The following PLBD2 variants were observed in gnomAD, a reference collection of about 807,000 sequenced individuals.
The protein encoded by PLBD2 is putative aminopeptidase PLBD2.
A neutral mutation model predicts 68.3 loss-of-function variants in PLBD2; 51 were observed. The observed-to-expected ratio is 0.75, with a 90% CI of 0.60 to 0.94. The LOEUF (loss-of-function observed/expected upper bound fraction) is 0.94, where lower values mean the gene tolerates loss of function less well. Ranked by LOEUF, PLBD2 falls within the 40% of genes least tolerant of loss-of-function variation. The pLI, the probability that PLBD2 is intolerant of heterozygous loss-of-function variation, is 0.00. For synonymous variants in PLBD2, 314 were observed against 339.3 expected, an observed-to-expected ratio of 0.93 and a Z score of 0.82; for missense variants, 729 against 792.2, an observed-to-expected ratio of 0.92 and a Z score of 0.96.
At chr12:113,387,980 T>C in intron 11 of PLBD2, 74 bp downstream of exon 11, 1 of 1,554,234 alleles carries the variant, frequency 6.4e-7, no homozygotes, top group Non-Finnish European at 8.8e-7. Context: ...AAGGGACAGG[T>C]TGGGGCAAAG....
At chr12:113,388,088 T>C (rs1020673411) in intron 11 of PLBD2, among the ~76,000 whole-genome samples, 182 bp downstream of exon 11, 1 of 152,102 alleles carries the variant, frequency 6.6e-6, no homozygotes, top group African/African-American at 2.4e-5. Context: ...ATGCCTGTAA[T>C]CCCAGCACTT....
intron 6 of PLBD2, among the ~76,000 whole-genome samples, chr12:113,383,124 C>T (rs377625797): frequency 1.6e-4 from 25 of 152,256 alleles, no homozygotes; most frequent in Middle Eastern, 3.4e-3. Context: ...AGGAGGCAAT[C>T]GGAGGCAGCG....
rs111462416 is a variant in PLBD2 at position 113,358,672 on chromosome 12, C to G, written c.72C>G (p.Ala24=). ...ARALTRALAL[A]LVLALLVGPF... ...CGCTGACGCGGGCGCTGGCGCTGGC[C>G]CTGGTGCTGGCCCTGCTGGTCGGGC... The change falls in exon 1 of 12, where the codon GCC becomes GCG. Residue 24 remains alanine (A), a synonymous_variant. Coordinates refer to ENST00000280800, the MANE Select transcript of PLBD2 (RefSeq NM_173542.4). 12 of 1,457,622 alleles carry G rather than the reference C, an allele frequency of 8.2e-6. No homozygotes were observed. The highest frequency in any genetic ancestry group is 1.4e-5 in the South Asian group (1 of 73,902). 90.3% of individuals were successfully genotyped at this position (1,457,622 alleles called of 1,614,324 possible). A position where few individuals can be genotyped will look rare whatever the true frequency, so the allele number is the denominator to read the frequency against.
At chr12:113,375,695 G>A (rs987940725) in intron 5 of PLBD2, among the ~76,000 whole-genome samples, 2 of 152,170 alleles carry the variant, frequency 1.3e-5, no homozygotes, top group African/African-American at 2.4e-5. Context: ...GAATGGGATG[G>A]CCTCTTCTCC....
At chr12:113,362,785 T>A (rs908385980) in intron 1 of PLBD2, among the ~76,000 whole-genome samples, 1 of 145,542 alleles carries the variant, frequency 6.9e-6, no homozygotes, top group African/African-American at 2.6e-5. Context: ...AATCTTCTTT[T>A]GATTTATTTT....
Position 113,358,653 on chromosome 12 carries a change from C to A in PLBD2, c.53C>A (p.Thr18Lys). The A allele has an allele frequency of 6.8e-7, 1 of 1,462,412 alleles. No individual in the cohort carries two copies. 90.6% of individuals were successfully genotyped at this position (1,462,412 alleles called of 1,614,324 possible). A position where few individuals can be genotyped will look rare whatever the true frequency, so the allele number is the denominator to read the frequency against. ...YPGSHLARAL[T>K]RALALALVLA... The stretch of plus-strand genomic sequence containing the variant: ...GGCAGCCACCTGGCCCGGGCGCTGA[C>A]GCGGGCGCTGGCGCTGGCCCTGGTG... The change falls in exon 1 of 12, where the codon ACG becomes AAG. Residue 18 changes from threonine to lysine, a missense_variant. Coordinates refer to ENST00000280800, the MANE Select transcript of PLBD2 (RefSeq NM_173542.4).
At position 113,384,087 on chromosome 12, in the gene PLBD2, C is replaced by A. The variant is rs773743018; in HGVS notation, c.958-18C>A. Reference sequence around the variant, plus strand: ...AGCATGCCTAGGCTGTGCAGCAGCCCCCTTGACCTTCCCACAGGTGACACT... The same window carrying A: ...AGCATGCCTAGGCTGTGCAGCAGCCACCTTGACCTTCCCACAGGTGACACT... On this transcript the variant is annotated intron_variant, in intron 6 of 11. Transcript: ENST00000280800. This position sits in a 1 kb window ranked among gnomAD's most constrained non-coding sequence, Gnocchi z 4.2. 3 of 1,592,184 alleles carry A rather than the reference C, an allele frequency of 1.9e-6. No individual in the cohort carries two copies. The highest frequency in any genetic ancestry group is 2.6e-6 in the Non-Finnish European group (3 of 1,165,628).
At chr12:113,370,452 T>C (rs1302179958) in intron 2 of PLBD2, among the ~76,000 whole-genome samples, 1 of 151,072 alleles carries the variant, frequency 6.6e-6, no homozygotes, top group Admixed American at 6.6e-5. Context: ...TAGTACCTAG[T>C]GTAATTTTCT....
chr12:113,384,100 C>T lies in PLBD2; in HGVS notation c.958-5C>T. 1 of 1,602,804 alleles carries T rather than the reference C, an allele frequency of 6.2e-7. No individual in the cohort carries two copies. Among genetic ancestry groups the T allele is most frequent in the African/African-American group, 1.3e-5 (1 of 74,856 alleles). On this transcript the variant is annotated splice_polypyrimidine_tract_variant and splice_region_variant and intron_variant, in intron 6 of 11. Coordinates refer to ENST00000280800, the MANE Select transcript of PLBD2 (RefSeq NM_173542.4). The surrounding 1 kb of genome is among the most constrained non-coding windows in gnomAD (Gnocchi z 4.2). ...TGTGCAGCAGCCCCCTTGACCTTCCCACAGGTGACACTGGAGACCACCATT... is the reference window on the plus strand; with the variant it reads ...TGTGCAGCAGCCCCCTTGACCTTCCTACAGGTGACACTGGAGACCACCATT...
chr12:113,388,596 G>A lies in PLBD2; in HGVS notation c.1740G>A (p.Lys580=). 6.3e-7 allele frequency: 1 copy of A among 1,597,694 alleles called. No individual in the cohort carries two copies. The highest frequency in any genetic ancestry group is 8.5e-7 in the Non-Finnish European group (1 of 1,170,852). The part of the protein sequence containing the change: ...LLHMGQPDLW[K]FAPVKVSWD ...ACATGGGCCAGCCAGACCTCTGGAAGTTCGCGCCTGTCAAGGTTTCATGGG... is the reference window on the plus strand; with the variant it reads ...ACATGGGCCAGCCAGACCTCTGGAAATTCGCGCCTGTCAAGGTTTCATGGG... Residue 580 remains lysine (K), a synonymous_variant, in exon 12 of 12, where the codon AAG becomes AAA. Coordinates refer to ENST00000280800, the MANE Select transcript of PLBD2 (RefSeq NM_173542.4).
chr12:113,388,802 C>T lies in PLBD2; in HGVS notation c.*176C>T, dbSNP rs73194893. On this transcript the variant is annotated 3_prime_UTR_variant, in exon 12 of 12. Transcript: ENST00000280800. ...GAACCTGATGGGGCTCAGAACTGAC[C>T]CCCTCTCTCCCCCGAGGTGGGTGGG... The T allele has an allele frequency of 6.8e-3, 4,017 of 589,438 alleles. 24 individuals carry two copies. Among genetic ancestry groups the T allele is most frequent in the Non-Finnish European group, 9.2e-3 (3,370 of 366,732 alleles). 36.5% of individuals were successfully genotyped at this position (589,438 alleles called of 1,614,324 possible). A position where few individuals can be genotyped will look rare whatever the true frequency, so the allele number is the denominator to read the frequency against.
intron 4 of PLBD2, 49 bp downstream of exon 4, chr12:113,374,623 T>C: frequency 6.6e-7 from 1 of 1,508,594 alleles, no homozygotes; most frequent in Non-Finnish European, 9.1e-7. Flanking sequence ...GGCCACACAC[T>C]CATAGTCGGA....
chr12:113,386,579 G>T (rs1160294121), intron 9 of PLBD2, among the ~76,000 whole-genome samples: 1 of 151,100 alleles, frequency 6.6e-6, no homozygotes, highest in Non-Finnish European at 1.5e-5. Flanking sequence ...GAGTGCAATG[G>T]CTCGATCTCA....
intron 5 of PLBD2, among the ~76,000 whole-genome samples, chr12:113,376,477 T>G (rs1287699367): frequency 6.6e-6 from 1 of 152,146 alleles, no homozygotes; most frequent in East Asian, 1.9e-4. Flanking sequence ...ACAGCATTCT[T>G]TATCCAAATC....
chr12:113,369,177 G>A lies in PLBD2; in HGVS notation c.352G>A (p.Ala118Thr). The change falls in exon 2 of 12, where the codon GCC becomes ACC. Residue 118 changes from alanine to threonine, a missense_variant. Ala to Thr is a moderately conservative substitution (Grantham distance 58). Transcript: ENST00000280800. ...CAATGACAGCTTGCAGGCCTATGCA[G>A]CCGGTGTGGTGGAGGCTGCTGTGTC... ...QYNDSLQAYA[A>T]GVVEAAVSEE... The A allele has an allele frequency of 6.2e-7, 1 of 1,607,508 alleles. No individual in the cohort carries two copies. The highest frequency in any genetic ancestry group is 2.2e-5 in the East Asian group (1 of 44,738).
intron 9 of PLBD2, among the ~76,000 whole-genome samples, chr12:113,386,513 C>T (rs1489176138): frequency 4.7e-5 from 7 of 148,760 alleles, no homozygotes; most frequent in East Asian, 3.9e-4. Flanking sequence ...GCCACCACGC[C>T]GGCTAATTTT....
chr12:113,362,582 A>G (rs1374927153), intron 1 of PLBD2, among the ~76,000 whole-genome samples: 1 of 151,484 alleles, frequency 6.6e-6, no homozygotes, highest in Non-Finnish European at 1.5e-5. Context: ...AATTTGGCCC[A>G]TAGATTTTCC....
chr12:113,358,648 G>A lies in PLBD2; in HGVS notation c.48G>A (p.Ala16=). 6.8e-7 allele frequency: 1 copy of A among 1,462,512 alleles called. No individual in the cohort carries two copies. Among genetic ancestry groups the A allele is most frequent in the Non-Finnish European group, 9.0e-7 (1 of 1,114,442 alleles). The allele number at this position is 1,462,512 out of a possible 1,614,324, so 90.6% of individuals were successfully genotyped here. A position where few individuals can be genotyped will look rare whatever the true frequency, so the allele number is the denominator to read the frequency against. The change falls in exon 1 of 12, where the codon GCG becomes GCA. Residue 16 remains alanine (A), a synonymous_variant. Coordinates refer to ENST00000280800, the MANE Select transcript of PLBD2 (RefSeq NM_173542.4). The part of the protein sequence containing the change: ...YCYPGSHLAR[A]LTRALALALV... ...ACCCCGGCAGCCACCTGGCCCGGGC[G>A]CTGACGCGGGCGCTGGCGCTGGCCC...
chr12:113,382,835 T>TTTTTTTTGTGTGTGTG (rs1335785271), intron 6 of PLBD2, among the ~76,000 whole-genome samples: 9 of 106,606 alleles, frequency 8.4e-5, no homozygotes, highest in African/African-American at 2.3e-4. Flanking sequence ...TGGTGGTTTT[T>TTTTTTTTGTGTGTGTG]TGTGTGTGTG....
Sources: allele counts gnomAD v4.1 joint callset (sites outside exome capture counted in the v4.1 genomes callset), GRCh38; gene constraint gnomAD v4.1.1; non-coding constraint Gnocchi (gnomAD v3.1); transcripts MANE v1.5; gene names NCBI Gene and HGNC (gene_info 2026-07-23, HGNC 2026-07-21).